NUP188: variants seen among roughly 807,000 people sequenced by gnomAD.
The protein encoded by NUP188 is nucleoporin 188, also known as nucleoporin NUP188.
Under a neutral mutation model 223.0 loss-of-function variants are expected in NUP188, and 97 were observed. That is an observed-to-expected ratio of 0.43 (90% confidence interval 0.37 to 0.51). The LOEUF (loss-of-function observed/expected upper bound fraction) is 0.51. NUP188 is among the 20% of genes least tolerant of loss of function. The pLI is 0.00. For synonymous variants in NUP188, 869 were observed against 828.0 expected, an observed-to-expected ratio of 1.05 and a Z score of -0.85; for missense variants, 1,947 against 2,175.6, an observed-to-expected ratio of 0.89 and a Z score of 2.09.
In NUP188 at chr9:128,969,452, A is replaced by G; in HGVS notation, c.850A>G (p.Lys284Glu). The G allele has an allele frequency of 6.2e-7, 1 of 1,607,030 alleles. No individual in the cohort carries two copies. The change falls in exon 10 of 44, where the codon AAG becomes GAG. Residue 284 changes from lysine (K) to glutamate (E), a missense_variant. Transcript: ENST00000372577. The stretch of plus-strand genomic sequence containing the variant: ...GGGCATGGATATCGAGTCCTTGCAT[A>G]AGTGTGCTTTGGATGACAGAAGAGA... Reference protein sequence around the residue: ...VEGMDIESLHKCALDDRRELH... With the variant: ...VEGMDIESLHECALDDRRELH...
rs1463299986 is a variant in NUP188, at chr9:128,973,217, T to G, written c.1171T>G (p.Ser391Ala). The change falls in exon 12 of 44, where the codon TCG (serine) becomes GCG (alanine). Residue 391 changes from serine to alanine, a missense_variant. Transcript: ENST00000372577. ...TGGACTGCTCTCTTTCGTTCTGACCTCGTTGGAGCTGCACACCCTGGGCAA... is the reference window on the plus strand; with the variant it reads ...TGGACTGCTCTCTTTCGTTCTGACCGCGTTGGAGCTGCACACCCTGGGCAA... Reference protein sequence around the residue: ...VYGLLSFVLTSLELHTLGNQQ... With the variant: ...VYGLLSFVLTALELHTLGNQQ... 5.0e-6 allele frequency: 8 copies of G among 1,613,564 alleles called. No homozygotes were observed. Among genetic ancestry groups the G allele is most frequent in the Non-Finnish European group, 6.8e-6 (8 of 1,179,964 alleles).
intron 12 of NUP188, among the ~76,000 whole-genome samples, chr9:128,976,385 T>C (rs1842175040): frequency 6.6e-6 from 1 of 152,120 alleles, no homozygotes; most frequent in Non-Finnish European, 1.5e-5. Context: ...ACTCAATTTC[T>C]AGAGGCTGGG....
At chr9:128,981,174 G>C in intron 14 of NUP188, 90 bp from the exon 15 acceptor site, 1 of 1,494,202 alleles carries the variant, frequency 6.7e-7, no homozygotes, top group Non-Finnish European at 9.1e-7. Context: ...CTTGCAAGAA[G>C]TTTGAGAGTC....
At chr9:128,948,712 T>G (rs1305662044) in intron 1 of NUP188, 1 of 28,910 alleles carries the variant, frequency 3.5e-5, no homozygotes, top group Admixed American at 4.2e-4. Context: ...TTTTCCCCAC[T>G]TTTTTTTTTT....
intron 36 of NUP188, 144 bp from the exon 37 acceptor site, chr9:129,002,673 C>T: frequency 1.2e-6 from 1 of 807,736 alleles, no homozygotes; most frequent in Non-Finnish European, 1.9e-6. Context: ...TGGCCCCTTT[C>T]TGGCCCTGGT....
In NUP188 at chr9:129,001,558, G is replaced by A; in HGVS notation, c.3873G>A (p.Lys1291=). 1.2e-6 allele frequency: 2 copies of A among 1,614,012 alleles called. No homozygotes were observed. Among genetic ancestry groups the A allele is most frequent in the Non-Finnish European group, 1.7e-6 (2 of 1,180,018 alleles). ...GVCVLGLHLA[K]ELCEVDEDGD... Reference sequence around the variant, plus strand: ...GTGTCCTGGGCCTGCACCTGGCCAAGGAGCTGTGTGAGGTAGACGAGGATG... The same window carrying A: ...GTGTCCTGGGCCTGCACCTGGCCAAAGAGCTGTGTGAGGTAGACGAGGATG... Residue 1291 remains lysine, a synonymous_variant, in exon 35 of 44, where the codon AAG becomes AAA. Coordinates refer to ENST00000372577, the MANE Select transcript of NUP188 (RefSeq NM_015354.3).
At chr9:128,981,239 G>A in intron 14 of NUP188, 25 bp from the exon 15 acceptor site, 1 of 1,610,038 alleles carries the variant, frequency 6.2e-7, no homozygotes, top group South Asian at 1.1e-5. Context: ...AGGGAAATGT[G>A]TGATGGTTTT....
chr9:128,983,263 A>G (rs1469364087), intron 17 of NUP188, 30 bp from the exon 18 acceptor site: 9 of 1,586,240 alleles, frequency 5.7e-6, no homozygotes, highest in African/African-American at 2.7e-5. Flanking sequence ...TATTTGCTTT[A>G]TTGAGTATAG....
rs1842672109 is a variant in NUP188, at chr9:129,001,699, T to C, written c.4014T>C (p.His1338=). ...QNLHFTEATL[H]LLLTLARTQQ... ...TGCATTTCACTGAGGCCACATTGCA[T>C]CTGCTCCTCACCCTGGCTCGCACTC... The change falls in exon 35 of 44, where the codon CAT becomes CAC. Residue 1338 remains histidine, a synonymous_variant. Transcript: ENST00000372577. 3 of 1,613,882 alleles carry C rather than the reference T, an allele frequency of 1.9e-6. No homozygotes were observed. Among genetic ancestry groups the C allele is most frequent in the South Asian group, 2.2e-5 (2 of 91,048 alleles).
At chr9:128,947,818 GC>G in intron 1 of NUP188, 67 bp downstream of exon 1, 1 of 1,314,386 alleles carries the variant, frequency 7.6e-7, no homozygotes, top group Non-Finnish European at 9.8e-7. Context: ...CGGAAGCGGG[GC>G]GGGAATTGGA....
chr9:128,947,973 C>T (rs931434980), intron 1 of NUP188: 3 of 395,198 alleles, frequency 7.6e-6, no homozygotes, highest in African/African-American at 6.2e-5. Flanking sequence ...CACCCCTTCC[C>T]TCCGCGCTCG....
At chr9:128,987,804 G>A in intron 23 of NUP188, 87 bp downstream of exon 23, 2 of 1,512,250 alleles carry the variant, frequency 1.3e-6, no homozygotes, top group South Asian at 1.2e-5. Flanking sequence ...ACTTGCAGTA[G>A]CTTTTAGAAG....
In NUP188 at chr9:128,999,402, C is replaced by A. The variant is rs570741806; in HGVS notation, c.3661+85C>A. 4 of 1,515,890 alleles carry A rather than the reference C, an allele frequency of 2.6e-6. No individual in the cohort carries two copies. The African/African-American group carries it at 4.1e-5, about 16-fold the overall frequency. 93.9% of individuals were successfully genotyped at this position (1,515,890 alleles called of 1,614,324 possible). A position where few individuals can be genotyped will look rare whatever the true frequency, so the allele number is the denominator to read the frequency against. ...GGCAGGGCTTCCTTCAGCTTAGGGC[C>A]ACACATTTCTTCTGGGACTTTTGAG... On this transcript the variant is annotated intron_variant, in intron 33 of 43. Transcript: ENST00000372577.
chr9:128,984,688 T>C (rs1463866971), intron 19 of NUP188, among the ~76,000 whole-genome samples: 1 of 152,186 alleles, frequency 6.6e-6, no homozygotes, highest in Non-Finnish European at 1.5e-5. Flanking sequence ...GTTCCTTTGA[T>C]TTTTTTACTT....
intron 15 of NUP188, among the ~76,000 whole-genome samples, chr9:128,981,756 C>A (rs1380980566): frequency 6.6e-6 from 1 of 152,142 alleles, no homozygotes; most frequent in East Asian, 1.9e-4. Context: ...TCTTTGCACT[C>A]AAGTGATTTT....
intron 38 of NUP188, 133 bp from the exon 39 acceptor site, chr9:129,005,014 G>A (rs1182427825): frequency 2.9e-6 from 2 of 692,830 alleles, no homozygotes; most frequent in East Asian, 5.0e-5. Flanking sequence ...GGGAGCATGA[G>A]GGAAGGAGGG....
rs780431319 is a variant in NUP188 at position 129,002,872 on chromosome 9, G to A, written c.4193G>A (p.Arg1398His). 5.6e-6 allele frequency: 9 copies of A among 1,614,064 alleles called. No homozygotes were observed. The highest frequency in any genetic ancestry group is 2.7e-5 in the African/African-American group (2 of 74,928). Residue 1398 changes from arginine to histidine, a missense_variant, in exon 37 of 44, where the codon CGC (arginine) becomes CAC (histidine). Physicochemically the swap from Arg to His is conservative, Grantham distance 29. Around this residue, in one of 3 missense-constraint regions of NUP188, gnomAD observed 905 missense variants for 990.6 expected, o/e 0.91. Transcript: ENST00000372577. ...LDAPSWPGVY[R>H]LSMSLMEQLL... ...GCCCCCTCTTGGCCAGGAGTCTACC[G>A]CCTGTCCATGTCCCTGATGGAGCAG...
intron 21 of NUP188, 49 bp downstream of exon 21, chr9:128,986,727 G>A: frequency 6.2e-7 from 1 of 1,613,934 alleles, no homozygotes; most frequent in Non-Finnish European, 8.5e-7. Context: ...GGCCCCACTG[G>A]AGAGCTTTTT....
At chr9:128,997,142 G>A (rs1040114938) in intron 30 of NUP188, among the ~76,000 whole-genome samples, 3 of 152,246 alleles carry the variant, frequency 2.0e-5, no homozygotes, top group African/African-American at 7.2e-5. Context: ...AGAGCTGAAT[G>A]TGTGAAGAAG....
Sources: gnomAD v4.1 joint callset for allele counts (sites outside exome capture counted in the v4.1 genomes callset) on GRCh38, gnomAD v4.1.1 for gene constraint, gnomAD v4.1.1 regional missense constraint, MANE v1.5 for transcripts, NCBI Gene and HGNC (gene_info 2026-07-23, HGNC 2026-07-21) for gene names.